Variants in ELMO1 observed in about 807,000 individuals in gnomAD.
ELMO1 encodes the protein engulfment and cell motility protein 1.
ELMO1 carries 26 observed loss-of-function variants against 98.9 expected under a neutral mutation model. That is an observed-to-expected ratio of 0.26 (90% CI 0.19 to 0.36). ELMO1 has a LOEUF of 0.36. Among genes scored for constraint, ELMO1 ranks in the 10% least tolerant of loss-of-function variants. The pLI is 1.00. For missense variants in ELMO1, 627 were observed against 935.2 expected, an observed-to-expected ratio of 0.67 and a Z score of 4.30; for synonymous variants, 346 against 346.0, an observed-to-expected ratio of 1.00 and a Z score of 0.00.
chr7:37,445,299 G>A (rs927474224), intron 1 of ELMO1, among the ~76,000 whole-genome samples: 3 of 152,176 alleles, frequency 2.0e-5, no homozygotes, highest in African/African-American at 4.8e-5. Context: ...AATCCACCAC[G>A]TTTTCCAGAT....
chr7:37,351,103 A>G (rs1801244883), intron 1 of ELMO1: 1 of 152,208 alleles, frequency 6.6e-6, no homozygotes, highest in Non-Finnish European at 1.5e-5. Flanking sequence ...AAGCTTAAAA[A>G]CTTCTGAATT....
At chr7:37,174,265 CA>C (rs1394765356) in intron 13 of ELMO1, among the ~76,000 whole-genome samples, 3 of 152,138 alleles carry the variant, frequency 2.0e-5, no homozygotes, top group Non-Finnish European at 4.4e-5. Context: ...TACACAACAC[CA>C]AAGCCAAGAA....
At chr7:37,104,010 C>CA (rs35979251) in intron 14 of ELMO1, among the ~76,000 whole-genome samples, 2,817 of 28,954 alleles carry the variant, frequency 0.097, 915 homozygotes, top group Non-Finnish European at 0.17. Context: ...GACTCCATCT[C>CA]AAAAAAAAAA....
At chr7:37,256,235 T>C (rs973286639) in intron 6 of ELMO1, among the ~76,000 whole-genome samples, 5 of 152,086 alleles carry the variant, frequency 3.3e-5, no homozygotes, top group African/African-American at 7.2e-5. Flanking sequence ...ATGCCCAAAC[T>C]TTCATAAGCA....
intron 15 of ELMO1, among the ~76,000 whole-genome samples, chr7:37,054,535 A>G (rs924619419): frequency 6.6e-6 from 1 of 152,230 alleles, no homozygotes; most frequent in Non-Finnish European, 1.5e-5. Context: ...GGGGTTAGTA[A>G]TAATAGGTGA....
chr7:36,989,151 T>C (rs73688443), intron 16 of ELMO1, among the ~76,000 whole-genome samples: 3,280 of 152,350 alleles, frequency 0.022, 34 homozygotes, highest in Middle Eastern at 0.058. Flanking sequence ...TTCTAAGCAC[T>C]TTGTCTAGAT....
At position 36,946,600 on chromosome 7, in the gene ELMO1, G is replaced by C. The variant is rs1006285047; in HGVS notation, c.1438-51583C>G. On this transcript the variant is annotated intron_variant, in intron 16 of 21. Coordinates refer to ENST00000310758, the MANE Select transcript of ELMO1 (RefSeq NM_014800.11). ...AAAGGACTATTGTTATCTGTGGTAA[G>C]GATGAGGGGTTGGGGGCTCTCCCTA... 7.2e-5 allele frequency among the ~76,000 whole-genome samples: 11 copies of C among 152,206 alleles called. No homozygotes were observed. The East Asian group carries it at 2.1e-3, about 29-fold the overall frequency.
chr7:37,224,920 C>A lies in ELMO1; in HGVS notation c.660G>T (p.Ala220=), dbSNP rs770428171. 1 of 1,614,100 alleles carries A rather than the reference C, an allele frequency of 6.2e-7. No individual in the cohort carries two copies. The highest frequency in any genetic ancestry group is 8.5e-7 in the Non-Finnish European group (1 of 1,179,982). ...LNSHDLYQKV[A]QEITIGQLIP... ...TGAGCTGGCCGATGGTGATCTCCTG[C>A]GCCACTTTCTGGTAGAGGTCATGGC... The change falls in exon 9 of 22, where the codon GCG becomes GCT. Residue 220 remains alanine, a synonymous_variant. Coordinates refer to ENST00000310758, the MANE Select transcript of ELMO1 (RefSeq NM_014800.11).
chr7:36,950,737 A>C (rs1787900341), intron 16 of ELMO1, among the ~76,000 whole-genome samples: 1 of 152,196 alleles, frequency 6.6e-6, no homozygotes, highest in Admixed American at 6.5e-5. Flanking sequence ...ATGGAGATCG[A>C]AGCAATGGCT....
At chr7:37,444,624 T>C (rs528136636) in intron 1 of ELMO1, among the ~76,000 whole-genome samples, 1 of 152,226 alleles carries the variant, frequency 6.6e-6, no homozygotes, top group South Asian at 2.1e-4. Context: ...TCAATTCTCC[T>C]ACCTCAGCCT....
At chr7:37,072,444 A>G (rs531559254) in intron 15 of ELMO1, among the ~76,000 whole-genome samples, 1 of 152,342 alleles carries the variant, frequency 6.6e-6, no homozygotes, top group South Asian at 2.1e-4. Context: ...CTGTAAGTTC[A>G]TTAAACCTCT....
chr7:37,240,959 T>C (rs1397492235), intron 7 of ELMO1, among the ~76,000 whole-genome samples: 3 of 152,140 alleles, frequency 2.0e-5, no homozygotes, highest in Non-Finnish European at 4.4e-5. Context: ...GCTTTATAAA[T>C]GACAATTAAG....
chr7:37,422,614 TA>T (rs1804519473), intron 1 of ELMO1, among the ~76,000 whole-genome samples: 1 of 152,222 alleles, frequency 6.6e-6, no homozygotes, highest in Non-Finnish European at 1.5e-5. Flanking sequence ...TTAAAACACT[TA>T]AACAGGTCTA....
intron 4 of ELMO1, among the ~76,000 whole-genome samples, chr7:37,312,980 T>A (rs550370226): frequency 6.6e-6 from 1 of 152,242 alleles, no homozygotes; most frequent in African/African-American, 2.4e-5. Context: ...CTGGTATGAA[T>A]GAAATGATGG....
chr7:37,114,951 A>G (rs1356044671), intron 14 of ELMO1, among the ~76,000 whole-genome samples: 1 of 152,194 alleles, frequency 6.6e-6, no homozygotes, highest in Non-Finnish European at 1.5e-5. Flanking sequence ...CATGTATATA[A>G]TAAAGGAATA....
intron 8 of ELMO1, among the ~76,000 whole-genome samples, chr7:37,231,416 C>CA (rs888369315): frequency 2.0e-5 from 3 of 151,896 alleles, no homozygotes; most frequent in Non-Finnish European, 2.9e-5. Flanking sequence ...CATCACCAGT[C>CA]AGAGGACAGT....
rs1452355224 is a variant in ELMO1, at chr7:37,157,895, C to T, written c.1087-24661G>A. ...AAGCTGGAGGCATCACACTACCAGA[C>T]TTCAAACTATACTATAAGGCTACAG... On this transcript the variant is annotated intron_variant, in intron 13 of 21. Transcript: ENST00000310758. Among the ~76,000 whole-genome samples the T allele has an allele frequency of 2.6e-5, 4 of 152,186 alleles. No individual in the cohort carries two copies. In the East Asian group the frequency reaches 7.7e-4, roughly 29 times the overall value.
chr7:37,118,404 GA>G (rs1785748157), intron 14 of ELMO1, among the ~76,000 whole-genome samples: 1 of 152,196 alleles, frequency 6.6e-6, no homozygotes, highest in Admixed American at 6.5e-5. Context: ...GAGAAACTGG[GA>G]AACATGCCTT....
In ELMO1 at chr7:37,213,452, G is replaced by A. The variant is rs1793095754; in HGVS notation, c.837C>T (p.Val279=). 1 of 1,611,180 alleles carries A rather than the reference G, an allele frequency of 6.2e-7. No individual in the cohort carries two copies. Among genetic ancestry groups the A allele is most frequent in the African/African-American group, 1.3e-5 (1 of 74,824 alleles). ...TGTTGATGGCCCGCTGGGCTCGGAT[G>A]ACATGCTAGGGAGATGGTTCACAAA... is the stretch of plus-strand genomic sequence containing the variant. ...KQLRSIILTH[V]IRAQRAINNE... is the part of the protein sequence containing the mutation. The change falls in exon 12 of 22, where the codon GTC becomes GTT. Residue 279 remains valine, a synonymous_variant. Transcript: ENST00000310758.
Sources: allele counts gnomAD v4.1 joint callset (sites outside exome capture counted in the v4.1 genomes callset), GRCh38; gene constraint gnomAD v4.1.1; transcripts MANE v1.5; gene names NCBI Gene and HGNC (gene_info 2026-07-23, HGNC 2026-07-21).